Variants in FCN3 observed in about 807,000 individuals in gnomAD.
The protein encoded by FCN3 is ficolin 3.
In FCN3, 28 loss-of-function variants were observed where a neutral mutation model predicts 31.5. That is an observed-to-expected ratio of 0.89 (90% CI 0.66 to 1.22). The LOEUF (loss-of-function observed/expected upper bound fraction) is 1.22, where lower values mean the gene tolerates loss of function less well. Among genes scored for constraint, FCN3 ranks in the 50% most tolerant of loss-of-function variants. The pLI is 0.00. For synonymous variants in FCN3, 124 were observed against 147.4 expected, an observed-to-expected ratio of 0.84 and a Z score of 1.15; for missense variants, 351 against 386.8, an observed-to-expected ratio of 0.91 and a Z score of 0.78.
chr1:27,369,111 T>C lies in FCN3; in HGVS notation c.*125A>G, dbSNP rs1434272038. 17 of 1,198,398 alleles carry C rather than the reference T, an allele frequency of 1.4e-5. No individual in the cohort carries two copies. Among genetic ancestry groups the C allele is most frequent in the Non-Finnish European group, 1.9e-5 (16 of 856,952 alleles). The allele number at this position is 1,198,398 out of a possible 1,614,324, so 74.2% of individuals were successfully genotyped here. A position where few individuals can be genotyped will look rare whatever the true frequency, so the allele number is the denominator to read the frequency against. ...TTTTTCCCAGTAACTGGAAGAGTCT[T>C]GAAAGGGCTAAAATGATTTTATTTT... On this transcript the variant is annotated 3_prime_UTR_variant, in exon 8 of 8. Transcript: ENST00000270879.
chr1:27,373,940 G>T (rs200546088), intron 3 of FCN3, 25 bp downstream of exon 3: 103 of 1,607,658 alleles, frequency 6.4e-5, no homozygotes, highest in Admixed American at 3.5e-4. Flanking sequence ...AGAAAGCGGG[G>T]AGGCCTCCAG....
chr1:27,370,811 C>T, intron 6 of FCN3, 32 bp downstream of exon 6: 2 of 1,611,830 alleles, frequency 1.2e-6, no homozygotes, highest in Non-Finnish European at 1.7e-6. Flanking sequence ...AGACAGTAAC[C>T]CCCAGACTCC....
At chr1:27,373,682 T>C in intron 3 of FCN3, 162 bp from the exon 4 acceptor site, 2 of 754,228 alleles carry the variant, frequency 2.7e-6, no homozygotes, top group Non-Finnish European at 2.2e-6. Flanking sequence ...GCCCTTCTCC[T>C]AATCCTCTCC....
rs777714663 is a variant in FCN3, at chr1:27,369,191, C to T, written c.*45G>A. ...GGCAAAGGCAAGGTGGCTGACGATCCGGAAGCTGTACAGGAGAGATAAGGG... is the reference window on the plus strand; with the variant it reads ...GGCAAAGGCAAGGTGGCTGACGATCTGGAAGCTGTACAGGAGAGATAAGGG... On this transcript the variant is annotated 3_prime_UTR_variant, in exon 8 of 8. Transcript: ENST00000270879. 8.1e-6 allele frequency: 13 copies of T among 1,598,802 alleles called. No individual in the cohort carries two copies. Among genetic ancestry groups the T allele is most frequent in the Middle Eastern group, 1.7e-4 (1 of 6,046 alleles).
intron 7 of FCN3, 48 bp downstream of exon 7, chr1:27,370,548 T>C (rs1571087206): frequency 6.4e-7 from 1 of 1,551,142 alleles, no homozygotes; most frequent in Non-Finnish European, 8.9e-7. Context: ...GTGGCAGCAC[T>C]GGGAAAGGAT....
intron 5 of FCN3, among the ~76,000 whole-genome samples, chr1:27,371,312 A>G (rs1361315011): frequency 6.8e-6 from 1 of 147,770 alleles, no homozygotes; most frequent in Non-Finnish European, 1.5e-5. Context: ...TTGGTGGCTC[A>G]TGCCTGTAAT....
In FCN3 at chr1:27,374,000, C is replaced by A. The variant is rs746624418; in HGVS notation, c.197G>T (p.Gly66Val). ...KGAPGPQGPP[G>V]PPGKMGPKGE... ...CTTGGGGCCCATCTTGCCTGGTGGT[C>A]CAGGTGGCCCTGAAATCACAAAGGC... Residue 66 changes from glycine (G) to valine (V), a missense_variant, in exon 3 of 8, where the codon GGA (glycine) becomes GTA (valine). By Grantham distance (109) the Gly-to-Val change is moderately radical. Coordinates refer to ENST00000270879, the MANE Select transcript of FCN3 (RefSeq NM_003665.4). 8 of 1,613,660 alleles carry A rather than the reference C, an allele frequency of 5.0e-6. No individual in the cohort carries two copies. The South Asian group carries it at 7.7e-5, about 16-fold the overall frequency.
chr1:27,370,754 T>G, intron 6 of FCN3, 24 bp from the exon 7 acceptor site: 3 of 1,613,548 alleles, frequency 1.9e-6, no homozygotes, highest in Non-Finnish European at 2.5e-6. Flanking sequence ...GAGGCAGGGA[T>G]GGAGGAATCC....
In FCN3 at chr1:27,369,374, C is replaced by T. The variant is rs138304758; in HGVS notation, c.762G>A (p.Trp254Ter). Residue 254 changes from tryptophan (W) to a stop codon, truncating the protein, a stop_gained, in exon 8 of 8, where the codon TGG becomes TGA. Transcript: ENST00000270879. LOFTEE classifies it low-confidence loss of function (END_TRUNC). ...NCAVIVHGAW[W>*]YASCYRSNLN... ...GATTTGATCGGTAACAGGATGCATA[C>T]CACCAGGCACCGTGGACAATCACTG... 1 of 1,614,110 alleles carries T rather than the reference C, an allele frequency of 6.2e-7. No homozygotes were observed. Among genetic ancestry groups the T allele is most frequent in the African/African-American group, 1.3e-5 (1 of 74,938 alleles).
chr1:27,374,671 G>T, intron 1 of FCN3, 57 bp downstream of exon 1: 5 of 1,060,478 alleles, frequency 4.7e-6, no homozygotes, highest in Non-Finnish European at 6.6e-6. Context: ...TTGGTGGGGG[G>T]ACACCCAGCG....
chr1:27,369,524 T>TG, intron 7 of FCN3, 47 bp from the exon 8 acceptor site: 1 of 1,565,026 alleles, frequency 6.4e-7, no homozygotes, highest in Non-Finnish European at 8.8e-7. Context: ...GCACCACGCC[T>TG]GGCACCTTTG....
chr1:27,374,342 C>T lies in FCN3; in HGVS notation c.187+14G>A, dbSNP rs1334305840. ...CATTCCCAAGATCCCAGCCCGCTCC[C>T]CAGCCCCTCTCACCTTGAGGACCTG... On this transcript the variant is annotated intron_variant, in intron 2 of 7. Coordinates refer to ENST00000270879, the MANE Select transcript of FCN3 (RefSeq NM_003665.4). The T allele has an allele frequency of 6.3e-7, 1 of 1,593,342 alleles. No homozygotes were observed. Among genetic ancestry groups the T allele is most frequent in the Non-Finnish European group, 8.6e-7 (1 of 1,161,700 alleles).
At chr1:27,373,830 C>T in intron 3 of FCN3, 135 bp downstream of exon 3, 1 of 819,268 alleles carries the variant, frequency 1.2e-6, no homozygotes, top group Non-Finnish European at 2.0e-6. Flanking sequence ...TTCTCCTAAT[C>T]CTTCCCACTC....
Position 27,370,716 on chromosome 1 carries a change from G to A in FCN3, c.538C>T (p.Arg180Trp), listed in dbSNP as rs375334546. 1.3e-5 allele frequency: 21 copies of A among 1,614,014 alleles called. No homozygotes were observed. The highest frequency in any genetic ancestry group is 6.7e-5 in the East Asian group (3 of 44,890). Residue 180 changes from arginine to tryptophan, a missense_variant, in exon 7 of 8, where the codon CGG (arginine) becomes TGG (tryptophan). Arg to Trp is a moderately radical substitution (Grantham distance 101, BLOSUM62 -3). Transcript: ENST00000270879. Reference sequence around the variant, plus strand: ...CCATTAAAGTCTTCCAGCTCTACCCGCAGCTCCCAGTTACCTGGAAAGAAG... The same window carrying A: ...CCATTAAAGTCTTCCAGCTCTACCCACAGCTCCCAGTTACCTGGAAAGAAG... Reference protein sequence around the residue: ...QLTLQGNWELRVELEDFNGNR... With the variant: ...QLTLQGNWELWVELEDFNGNR...
chr1:27,370,917 T>C lies in FCN3; in HGVS notation c.449A>G (p.Tyr150Cys). 1 of 1,613,136 alleles carries C rather than the reference T, an allele frequency of 6.2e-7. No individual in the cohort carries two copies. The highest frequency in any genetic ancestry group is 8.5e-7 in the Non-Finnish European group (1 of 1,179,824). Reference protein sequence around the residue: ...SVDFFRSWSSYRAGFGNQESE... With the variant: ...SVDFFRSWSSCRAGFGNQESE... ...CTCTTGGTTCCCAAAACCTGCTCTG[T>C]AGGAGGACCAAGAGCGGAAGAAATC... The change falls in exon 6 of 8, where the codon TAC becomes TGC. Residue 150 changes from tyrosine (Y) to cysteine (C), a missense_variant. Physicochemically the swap from Tyr to Cys is radical, Grantham distance 194. Transcript: ENST00000270879.
chr1:27,369,623 G>A (rs986921048), intron 7 of FCN3, 146 bp from the exon 8 acceptor site: 10 of 729,940 alleles, frequency 1.4e-5, no homozygotes, highest in African/African-American at 1.1e-4. Flanking sequence ...GGTTGTTTGC[G>A]CAGGGTTACT....
rs770650851 is a variant in FCN3 at position 27,369,238 on chromosome 1, A to AT, written c.897dup (p.Ter300IlefsTer?). 9.5e-5 allele frequency: 154 copies of AT among 1,614,080 alleles called. 1 individual carries two copies. Among genetic ancestry groups the AT allele is most frequent in the Non-Finnish European group, 5.7e-5 (67 of 1,180,026 alleles). ...AGGGCACTGGCTGCCAGAGTGCCCT[A>AT]TCGAAGCATCATCCGAACCCTGCGG... On this transcript the variant is annotated frameshift_variant, in exon 8 of 8. Transcript: ENST00000270879. LOFTEE classifies it high-confidence loss of function.
chr1:27,371,456 G>C (rs2016144726), intron 5 of FCN3, among the ~76,000 whole-genome samples: 1 of 152,046 alleles, frequency 6.6e-6, no homozygotes, highest in Admixed American at 6.6e-5. Flanking sequence ...CACACCTGTA[G>C]TTCCAGCTAC....
chr1:27,373,177 G>A lies in FCN3; in HGVS notation c.352C>T (p.Pro118Ser), dbSNP rs986762216. 6.2e-6 allele frequency: 10 copies of A among 1,613,876 alleles called. No homozygotes were observed. The highest frequency in any genetic ancestry group is 6.8e-6 in the Non-Finnish European group (8 of 1,179,946). The change falls in exon 5 of 8, where the codon CCA becomes TCA. Residue 118 changes from proline (P) to serine (S), a missense_variant. Pro to Ser is a moderately conservative substitution (Grantham distance 74, BLOSUM62 -1). Coordinates refer to ENST00000270879, the MANE Select transcript of FCN3 (RefSeq NM_003665.4). The stretch of plus-strand genomic sequence containing the variant: ...TCGGTGTCCATGTCACAAAAGACTG[G>A]GAGGGCCCTGCCCTCAGGTAGGCAC... ...HLCLPEGRAL[P>S]VFCDMDTEGG... is the part of the protein sequence containing the mutation.
Sources: gnomAD v4.1 joint callset for allele counts (sites outside exome capture counted in the v4.1 genomes callset) on GRCh38, gnomAD v4.1.1 for gene constraint, MANE v1.5 for transcripts, NCBI Gene and HGNC (gene_info 2026-07-23, HGNC 2026-07-21) for gene names.